The following BMPR2 variants were observed in gnomAD, a reference collection of about 807,000 sequenced individuals.
BMPR2 encodes bone morphogenetic protein receptor type 2, also known as bone morphogenetic protein receptor type-2.
Under a neutral mutation model 100.8 loss-of-function variants are expected in BMPR2, and 29 were observed. The ratio of observed to expected loss-of-function variants is 0.29; its 90% CI spans 0.21 to 0.39. The LOEUF is 0.39. Among genes scored for constraint, BMPR2 ranks in the 10% least tolerant of loss-of-function variants. The pLI, the probability that BMPR2 is intolerant of heterozygous loss-of-function variation, is 1.00. For missense variants in BMPR2, 1,011 were observed against 1,274.5 expected (o/e 0.79, Z 3.15); for synonymous variants, 382 against 442.3 (o/e 0.86, Z 1.71).
At chr2:202,425,378 G>A (rs983136872) in intron 1 of BMPR2, among the ~76,000 whole-genome samples, 1 of 152,180 alleles carries the variant, frequency 6.6e-6, no homozygotes, top group East Asian at 1.9e-4. Flanking sequence ...AGAAATAGCC[G>A]ATTGGTTACA....
chr2:202,508,687 C>T (rs192161280), intron 3 of BMPR2, among the ~76,000 whole-genome samples: 57 of 152,274 alleles, frequency 3.7e-4, no homozygotes, highest in African/African-American at 1.1e-3. Flanking sequence ...TGGTTGCTAA[C>T]GCTTAGTGAT....
intron 9 of BMPR2, among the ~76,000 whole-genome samples, chr2:202,535,504 G>T (rs1388705301): frequency 6.6e-6 from 1 of 151,092 alleles, no homozygotes; most frequent in East Asian, 2.0e-4. Flanking sequence ...GGGCAGAGAC[G>T]CTCCTCACTT....
In BMPR2 at chr2:202,427,960, C is replaced by T. The variant is rs1280302504; in HGVS notation, c.77-36849C>T. On this transcript the variant is annotated intron_variant, in intron 1 of 12. Coordinates refer to ENST00000374580, the MANE Select transcript of BMPR2 (RefSeq NM_001204.7). Reference sequence around the variant, plus strand: ...TGCCAGTGTGCTCCAGCCTGGGTGACAGAGTGAGATCCTGTCTTCACAAAA... The same window carrying T: ...TGCCAGTGTGCTCCAGCCTGGGTGATAGAGTGAGATCCTGTCTTCACAAAA... 3.9e-5 allele frequency among the ~76,000 whole-genome samples: 6 copies of T among 152,128 alleles called. No homozygotes were observed. In the East Asian group the frequency reaches 1.2e-3, roughly 29 times the overall value.
At chr2:202,394,438 C>G (rs1690619779) in intron 1 of BMPR2, among the ~76,000 whole-genome samples, 1 of 151,830 alleles carries the variant, frequency 6.6e-6, no homozygotes, top group African/African-American at 2.4e-5. Context: ...ATATTAGATG[C>G]TTACTAGAAG....
intron 10 of BMPR2, among the ~76,000 whole-genome samples, chr2:202,547,355 C>T (rs1011825061): frequency 4.6e-5 from 7 of 152,126 alleles, no homozygotes; most frequent in Admixed American, 3.3e-4. Flanking sequence ...GTTTATACTC[C>T]ATTTCTTAGT....
chr2:202,391,136 C>A (rs1317535922), intron 1 of BMPR2, among the ~76,000 whole-genome samples: 1 of 151,500 alleles, frequency 6.6e-6, no homozygotes, highest in African/African-American at 2.4e-5. Context: ...GCCACCACCC[C>A]CAGCTAATTT....
chr2:202,500,452 A>G (rs1687360363), intron 3 of BMPR2, among the ~76,000 whole-genome samples: 2 of 152,278 alleles, frequency 1.3e-5, no homozygotes, highest in South Asian at 4.1e-4. Flanking sequence ...GTTGTCCCCT[A>G]CTTGAGGAGG....
intron 3 of BMPR2, among the ~76,000 whole-genome samples, chr2:202,499,522 G>C (rs987188497): frequency 6.6e-6 from 1 of 152,142 alleles, no homozygotes; most frequent in Non-Finnish European, 1.5e-5. Flanking sequence ...TTACAAAAAA[G>C]CCCATGAATT....
intron 3 of BMPR2, among the ~76,000 whole-genome samples, chr2:202,467,959 A>G (rs1349322502): frequency 6.6e-6 from 1 of 152,072 alleles, no homozygotes; most frequent in Non-Finnish European, 1.5e-5. Context: ...AGACAGGAGA[A>G]TTGATTGAAC....
intron 1 of BMPR2, among the ~76,000 whole-genome samples, chr2:202,378,249 A>C (rs748957205): frequency 9.9e-4 from 151 of 152,350 alleles, no homozygotes; most frequent in South Asian, 1.4e-3. Flanking sequence ...ACTAAAGTCT[A>C]AAGGGTGGTA....
At chr2:202,438,850 T>C (rs1691671283) in intron 1 of BMPR2, among the ~76,000 whole-genome samples, 1 of 150,718 alleles carries the variant, frequency 6.6e-6, no homozygotes, top group South Asian at 2.1e-4. Context: ...TACCACACTG[T>C]GCTACAGTCT....
intron 1 of BMPR2, among the ~76,000 whole-genome samples, chr2:202,445,169 C>CT (rs1484334023): frequency 6.7e-6 from 1 of 150,310 alleles, no homozygotes; most frequent in African/African-American, 2.5e-5. Context: ...TATCCAGATG[C>CT]TTTTTTGTAT....
At chr2:202,480,904 G>A (rs1298030852) in intron 3 of BMPR2, among the ~76,000 whole-genome samples, 6 of 137,642 alleles carry the variant, frequency 4.4e-5, no homozygotes, top group African/African-American at 1.1e-4. Context: ...GCAGTGAGCC[G>A]AGATCGTGCC....
At chr2:202,439,443 C>T (rs1262956637) in intron 1 of BMPR2, among the ~76,000 whole-genome samples, 1 of 145,322 alleles carries the variant, frequency 6.9e-6, no homozygotes, top group Non-Finnish European at 1.5e-5. Flanking sequence ...CCTAAGGAAC[C>T]TACAAAAAAT....
In BMPR2 at chr2:202,437,162, C is replaced by T. The variant is rs561363853; in HGVS notation, c.77-27647C>T. ...CTGGGATTACAGGCGGGCGCCACCA[C>T]GCCCAGCTAATTTTTATATTTTTAG... On this transcript the variant is annotated intron_variant, in intron 1 of 12. Transcript: ENST00000374580. Among the ~76,000 whole-genome samples, 224 of 150,274 alleles carry T rather than the reference C, an allele frequency of 1.5e-3. 16 individuals carry two copies. Among genetic ancestry groups the T allele is most frequent in the African/African-American group, 5.2e-3 (205 of 39,698 alleles).
intron 10 of BMPR2, among the ~76,000 whole-genome samples, chr2:202,547,540 T>C (rs1304939592): frequency 2.0e-5 from 3 of 152,012 alleles, no homozygotes; most frequent in Admixed American, 2.0e-4. Flanking sequence ...CCCAGCACTT[T>C]GGGAGGCTGG....
At chr2:202,530,745 T>C in intron 7 of BMPR2, 49 bp from the exon 8 acceptor site, 1 of 1,487,466 alleles carries the variant, frequency 6.7e-7, no homozygotes, top group Non-Finnish European at 9.3e-7. Context: ...CATTTCATGT[T>C]CAATAGTCCC....
intron 1 of BMPR2, among the ~76,000 whole-genome samples, chr2:202,441,201 G>A (rs966786917): frequency 6.7e-6 from 1 of 149,774 alleles, no homozygotes; most frequent in Admixed American, 6.6e-5. Context: ...GGGTGGTCTC[G>A]AACTCCTGAG....
intron 1 of BMPR2, among the ~76,000 whole-genome samples, chr2:202,460,651 T>G (rs961511242): frequency 6.6e-5 from 10 of 152,064 alleles, no homozygotes; most frequent in Non-Finnish European, 1.2e-4. Flanking sequence ...ATGAGAACGA[T>G]AAAAGAGAAT....
Sources: allele counts gnomAD v4.1 joint callset (sites outside exome capture counted in the v4.1 genomes callset), GRCh38; gene constraint gnomAD v4.1.1; transcripts MANE v1.5; gene names NCBI Gene and HGNC (gene_info 2026-07-23, HGNC 2026-07-21).